The following SNX5 variants were observed in gnomAD, a reference collection of about 807,000 sequenced individuals.
SNX5 encodes the protein sorting nexin 5, also known as sorting nexin-5.
A neutral mutation model predicts 53.9 loss-of-function variants in SNX5; 31 were observed. The ratio of observed to expected loss-of-function variants is 0.58; its 90% CI spans 0.43 to 0.78. SNX5 has a LOEUF of 0.78. Among genes scored for constraint, SNX5 ranks in the 30% least tolerant of loss-of-function variants. The probability of loss-of-function intolerance (pLI) is 0.00; values close to 1 mark genes in which losing one functional copy is unlikely to be tolerated. For synonymous variants in SNX5, 168 were observed against 171.1 expected (o/e 0.98, Z 0.14); for missense variants, 471 against 478.8 (o/e 0.98, Z 0.15).
chr20:17,958,631 C>A (rs1481139835), intron 1 of SNX5, among the ~76,000 whole-genome samples: 4 of 152,160 alleles, frequency 2.6e-5, no homozygotes, highest in East Asian at 1.9e-4. Flanking sequence ...CACATGAATT[C>A]TTGATAACTC....
chr20:17,968,174 A>G, intron 1 of SNX5: 2 of 410,138 alleles, frequency 4.9e-6, no homozygotes, highest in Non-Finnish European at 8.5e-6. Context: ...GTCCTAATAG[A>G]ATCCGGGACA....
At chr20:17,955,840 C>A (rs1390659220) in intron 2 of SNX5, among the ~76,000 whole-genome samples, 1 of 152,194 alleles carries the variant, frequency 6.6e-6, no homozygotes, top group Non-Finnish European at 1.5e-5. Flanking sequence ...GGCTGGAGTG[C>A]AGTGGAATGA....
intron 1 of SNX5, among the ~76,000 whole-genome samples, chr20:17,963,194 A>G (rs2035485955): frequency 6.6e-6 from 1 of 152,152 alleles, no homozygotes; most frequent in African/African-American, 2.4e-5. Context: ...AATAAAAGAA[A>G]CCCAGCCAGG....
rs146534301 is a variant in SNX5, at chr20:17,942,234, A to G, written c.*123T>C. 260 of 662,412 alleles carry G rather than the reference A, an allele frequency of 3.9e-4. 1 individual carries two copies. In the African/African-American group the frequency reaches 4.4e-3, roughly 11 times the overall value. 41.0% of individuals were successfully genotyped at this position (662,412 alleles called of 1,614,324 possible). A position where few individuals can be genotyped will look rare whatever the true frequency, so the allele number is the denominator to read the frequency against. On this transcript the variant is annotated 3_prime_UTR_variant, in exon 13 of 13. Transcript: ENST00000377759. ...AATGTTAAGATTTGTAGAAATCAAA[A>G]TATTTATTCACATAATTTTAAACTA...
rs1475058843 is a variant in SNX5 at position 17,953,978 on chromosome 20, C to T, written c.389+18G>A. 2 of 1,603,302 alleles carry T rather than the reference C, an allele frequency of 1.2e-6. No individual in the cohort carries two copies. Among genetic ancestry groups the T allele is most frequent in the Non-Finnish European group, 1.7e-6 (2 of 1,170,988 alleles). On this transcript the variant is annotated intron_variant, in intron 4 of 12. Coordinates refer to ENST00000377759, the MANE Select transcript of SNX5 (RefSeq NM_014426.4). ...TCTACTTCTCAAAAGACAGAGCCCA[C>T]CAGGAAAATCCACTTACGCTTCCAG...
At chr20:17,942,944 A>G in intron 12 of SNX5, 166 bp downstream of exon 12, 3 of 599,508 alleles carry the variant, frequency 5.0e-6, no homozygotes. Context: ...GTGACATTAT[A>G]AACAAGACTA....
chr20:17,965,688 A>AG (rs34627271), intron 1 of SNX5, among the ~76,000 whole-genome samples: 1 of 151,292 alleles, frequency 6.6e-6, no homozygotes, highest in Non-Finnish European at 1.5e-5. Context: ...AAAAAAAAAA[A>AG]GCCTCTTGGC....
At chr20:17,942,928 T>G in intron 12 of SNX5, 182 bp downstream of exon 12, 2 of 531,276 alleles carry the variant, frequency 3.8e-6, no homozygotes, top group Non-Finnish European at 6.7e-6. Context: ...TAAAAATTAG[T>G]CATGGGTGAC....
At chr20:17,953,502 G>A (rs543218816) in intron 4 of SNX5, among the ~76,000 whole-genome samples, 10 of 152,164 alleles carry the variant, frequency 6.6e-5, no homozygotes, top group Admixed American at 1.3e-4. Context: ...TATTTGGCCT[G>A]GCCCAGGGGC....
intron 1 of SNX5, 76 bp from the exon 2 acceptor site, chr20:17,957,113 A>G: frequency 1.1e-6 from 1 of 876,680 alleles, no homozygotes; most frequent in Admixed American, 1.8e-5. Context: ...AGTAGTTACT[A>G]AAAAGCAGTT....
chr20:17,943,453 T>C (rs2039444671), intron 11 of SNX5: 2 of 428,752 alleles, frequency 4.7e-6, no homozygotes, highest in Middle Eastern at 5.9e-4. Flanking sequence ...AGCTTATGAC[T>C]TGGAGAACAC....
At chr20:17,957,528 C>G (rs889567203) in intron 1 of SNX5, among the ~76,000 whole-genome samples, 1 of 152,088 alleles carries the variant, frequency 6.6e-6, no homozygotes. Flanking sequence ...GAAACCCATT[C>G]TTCACATGCA....
intron 5 of SNX5, 33 bp downstream of exon 5, chr20:17,952,554 G>C: frequency 1.3e-6 from 2 of 1,597,656 alleles, no homozygotes; most frequent in Non-Finnish European, 8.5e-7. Flanking sequence ...AACATTTGAA[G>C]TGGATTATCA....
At position 17,968,683 on chromosome 20, in the gene SNX5, C is replaced by A. The variant is rs1370128268; in HGVS notation, c.-258G>T. ...CGTCCATCTTGGAGCCGGGCAAAGACGCCACGTGGGGCCTACCCTTGCTCC... is the reference window on the plus strand; with the variant it reads ...CGTCCATCTTGGAGCCGGGCAAAGAAGCCACGTGGGGCCTACCCTTGCTCC... On this transcript the variant is annotated 5_prime_UTR_variant, in exon 1 of 13. Coordinates refer to ENST00000377759, the MANE Select transcript of SNX5 (RefSeq NM_014426.4). 1.7e-6 allele frequency: 1 copy of A among 576,632 alleles called. No individual in the cohort carries two copies. The highest frequency in any genetic ancestry group is 3.2e-6 in the Non-Finnish European group (1 of 316,890). 35.7% of individuals were successfully genotyped at this position (576,632 alleles called of 1,614,324 possible).
intron 11 of SNX5, 114 bp downstream of exon 11, chr20:17,947,372 A>T (rs1600333854): frequency 9.0e-7 from 1 of 1,114,788 alleles, no homozygotes; most frequent in South Asian, 1.5e-5. Flanking sequence ...AGAGGGGTGA[A>T]GTGCTGACAC....
chr20:17,951,675 A>G (rs570168854), intron 5 of SNX5, 80 bp from the exon 6 acceptor site: 114 of 965,650 alleles, frequency 1.2e-4, no homozygotes, highest in Admixed American at 3.1e-4. Flanking sequence ...GTAACATTTT[A>G]AGTAATCCTC....
chr20:17,965,089 G>T (rs1037665848), intron 1 of SNX5, among the ~76,000 whole-genome samples: 1 of 152,102 alleles, frequency 6.6e-6, no homozygotes, highest in East Asian at 1.9e-4. Context: ...TGAAAAATTC[G>T]CAACAAGCAC....
intron 1 of SNX5, among the ~76,000 whole-genome samples, chr20:17,963,259 C>T (rs1190908176): frequency 1.3e-5 from 2 of 152,028 alleles, no homozygotes; most frequent in African/African-American, 2.4e-5. Flanking sequence ...GCAGGAGGAT[C>T]GCCCGCGGCC....
chr20:17,965,138 A>G (rs996032487), intron 1 of SNX5, among the ~76,000 whole-genome samples: 8 of 152,180 alleles, frequency 5.3e-5, no homozygotes, highest in African/African-American at 1.7e-4. Context: ...GACCCCACCC[A>G]TATCACACCA....
Sources: allele counts gnomAD v4.1 joint callset (sites outside exome capture counted in the v4.1 genomes callset), GRCh38; gene constraint gnomAD v4.1.1; transcripts MANE v1.5; gene names NCBI Gene and HGNC (gene_info 2026-07-23, HGNC 2026-07-21).